The following KCNC2 variants were observed in gnomAD, a reference collection of about 807,000 sequenced individuals.
KCNC2 encodes potassium voltage-gated channel subfamily C member 2.
In KCNC2, 21 loss-of-function variants were observed where a neutral mutation model predicts 44.5. The ratio of observed to expected loss-of-function variants is 0.47; its 90% CI spans 0.33 to 0.68. KCNC2 has a LOEUF of 0.68. Among genes scored for constraint, KCNC2 ranks in the 30% least tolerant of loss-of-function variants. The pLI is 0.01. For missense variants in KCNC2, 589 were observed against 826.2 expected (o/e 0.71, Z 3.52); for synonymous variants, 391 against 339.1 (o/e 1.15, Z -1.68).
chr12:75,156,148 T>C (rs1890742290), intron 2 of KCNC2, among the ~76,000 whole-genome samples: 1 of 151,844 alleles, frequency 6.6e-6, no homozygotes, highest in Non-Finnish European at 1.5e-5. Context: ...GTCAGCTTGA[T>C]GTGTCTATAT....
In KCNC2 at chr12:75,050,342, A is replaced by T. The variant is rs1243148231; in HGVS notation, c.1615+48T>A. 4 of 1,309,718 alleles carry T rather than the reference A, an allele frequency of 3.1e-6. No individual in the cohort carries two copies. In the South Asian group the frequency reaches 4.1e-5, roughly 13 times the overall value. The allele number at this position is 1,309,718 out of a possible 1,614,324, so 81.1% of individuals were successfully genotyped here. On this transcript the variant is annotated intron_variant, in intron 3 of 4. Coordinates refer to ENST00000549446, the MANE Select transcript of KCNC2 (RefSeq NM_139137.4). Reference sequence around the variant, plus strand: ...TGACTGCCTTCTGCCTAAGGAACATACTGGTCTATAAAGTATTTAATAACA... The same window carrying T: ...TGACTGCCTTCTGCCTAAGGAACATTCTGGTCTATAAAGTATTTAATAACA...
chr12:75,068,333 T>G (rs1433339569), intron 2 of KCNC2, among the ~76,000 whole-genome samples: 1 of 152,124 alleles, frequency 6.6e-6, no homozygotes, highest in Non-Finnish European at 1.5e-5. Context: ...GAAAGGACTT[T>G]GGGGAGAAAA....
intron 2 of KCNC2, among the ~76,000 whole-genome samples, chr12:75,203,170 C>T (rs933470127): frequency 1.3e-5 from 2 of 151,602 alleles, no homozygotes; most frequent in Admixed American, 6.6e-5. Flanking sequence ...TGTTCCTATA[C>T]CTTATTATAA....
chr12:75,175,011 T>G (rs1892086077), intron 2 of KCNC2, among the ~76,000 whole-genome samples: 1 of 152,046 alleles, frequency 6.6e-6, no homozygotes, highest in African/African-American at 2.4e-5. Flanking sequence ...AGTGTCCAGA[T>G]GCCAAGGAAT....
At chr12:75,187,666 G>A (rs1280028175) in intron 2 of KCNC2, among the ~76,000 whole-genome samples, 1 of 152,160 alleles carries the variant, frequency 6.6e-6, no homozygotes, top group Admixed American at 6.5e-5. Flanking sequence ...ATACATTATG[G>A]AGCAGACTGT....
chr12:75,167,140 G>A (rs1891510276), intron 2 of KCNC2, among the ~76,000 whole-genome samples: 2 of 151,116 alleles, frequency 1.3e-5, no homozygotes, highest in African/African-American at 2.4e-5. Flanking sequence ...AATTATAAGA[G>A]AATACTATGA....
chr12:75,181,128 A>C (rs769806221), intron 2 of KCNC2, among the ~76,000 whole-genome samples: 1 of 152,182 alleles, frequency 6.6e-6, no homozygotes, highest in South Asian at 2.1e-4. Context: ...TAGGATTCTC[A>C]TGGAAATGGA....
At chr12:75,063,265 A>G (rs1463013015) in intron 2 of KCNC2, among the ~76,000 whole-genome samples, 1 of 152,062 alleles carries the variant, frequency 6.6e-6, no homozygotes, top group East Asian at 1.9e-4. Context: ...ACATATGTAA[A>G]AATTTCCTTT....
Position 75,162,392 on chromosome 12 carries a change from A to G in KCNC2, c.687+44905T>C, listed in dbSNP as rs139627371. Among the ~76,000 whole-genome samples, 346 of 151,856 alleles carry G rather than the reference A, an allele frequency of 2.3e-3. 1 individual carries two copies. Among genetic ancestry groups the G allele is most frequent in the African/African-American group, 8.1e-3 (335 of 41,502 alleles). ...TTCAACCTAATCATGACTTCATTCT[A>G]TGACATACTGAGTCATCAGCTCAGG... On this transcript the variant is annotated intron_variant, in intron 2 of 4. Transcript: ENST00000549446.
At chr12:75,114,705 A>G (rs890918877) in intron 2 of KCNC2, among the ~76,000 whole-genome samples, 1 of 152,206 alleles carries the variant, frequency 6.6e-6, no homozygotes, top group African/African-American at 2.4e-5. Context: ...TGGGGTCCTC[A>G]CTGAGGTTCA....
At chr12:75,133,686 G>T in intron 2 of KCNC2, among the ~76,000 whole-genome samples, 1 of 151,912 alleles carries the variant, frequency 6.6e-6, no homozygotes, top group East Asian at 1.9e-4. Flanking sequence ...ATTTCACTAA[G>T]TCTGATATAG....
At chr12:75,045,137 A>G (rs999284903) in intron 4 of KCNC2, among the ~76,000 whole-genome samples, 5 of 152,014 alleles carry the variant, frequency 3.3e-5, no homozygotes, top group Non-Finnish European at 4.4e-5. Context: ...ATTGGCTTCG[A>G]TTAAAGGCGA....
chr12:75,075,698 T>G (rs1167880587), intron 2 of KCNC2, among the ~76,000 whole-genome samples: 2 of 151,882 alleles, frequency 1.3e-5, no homozygotes, highest in African/African-American at 2.4e-5. Flanking sequence ...TAATAGTTTA[T>G]AAATAAATGC....
At chr12:75,069,499 T>C (rs1883185237) in intron 2 of KCNC2, among the ~76,000 whole-genome samples, 1 of 152,140 alleles carries the variant, frequency 6.6e-6, no homozygotes, top group African/African-American at 2.4e-5. Context: ...CTGCTTCCAT[T>C]GATTCATTCC....
chr12:75,199,215 C>G (rs1261989267), intron 2 of KCNC2, among the ~76,000 whole-genome samples: 2 of 151,750 alleles, frequency 1.3e-5, no homozygotes, highest in African/African-American at 4.8e-5. Flanking sequence ...TTAAAGATGT[C>G]TACAGCACAG....
In KCNC2 at chr12:75,147,763, CAG is replaced by C. The variant is rs559550757; in HGVS notation, c.687+59532_687+59533del. Reference sequence around the variant, plus strand: ...ATCCTAGGGCTTCTTTCACCACACTCAGACGTTACAGTTTCCAAGCTCTAGCC... The same window carrying C: ...ATCCTAGGGCTTCTTTCACCACACTCACGTTACAGTTTCCAAGCTCTAGCC... On this transcript the variant is annotated intron_variant, in intron 2 of 4. Transcript: ENST00000549446. Among the ~76,000 whole-genome samples the C allele has an allele frequency of 3.5e-4, 54 of 152,256 alleles. No homozygotes were observed. In the South Asian group the frequency reaches 4.1e-3, roughly 12 times the overall value.
intron 2 of KCNC2, among the ~76,000 whole-genome samples, chr12:75,100,043 T>C (rs538121360): frequency 6.6e-6 from 1 of 152,280 alleles, no homozygotes; most frequent in Admixed American, 6.5e-5. Flanking sequence ...ACAGTTCTCC[T>C]GAGTGGGGCT....
chr12:75,201,122 G>A (rs1406043125), intron 2 of KCNC2, among the ~76,000 whole-genome samples: 1 of 151,172 alleles, frequency 6.6e-6, no homozygotes, highest in Admixed American at 6.6e-5. Flanking sequence ...ATGATTTCCT[G>A]AGATCAATAT....
At chr12:75,064,347 T>C (rs1262934519) in intron 2 of KCNC2, among the ~76,000 whole-genome samples, 1 of 152,048 alleles carries the variant, frequency 6.6e-6, no homozygotes, top group Non-Finnish European at 1.5e-5. Flanking sequence ...CACCTCCCTA[T>C]AACACCTTCT....
Sources: allele counts gnomAD v4.1 joint callset (sites outside exome capture counted in the v4.1 genomes callset), GRCh38; gene constraint gnomAD v4.1.1; transcripts MANE v1.5; gene names NCBI Gene and HGNC (gene_info 2026-07-23, HGNC 2026-07-21).